The following IQCM variants were observed in gnomAD, a reference collection of about 807,000 sequenced individuals.
The protein encoded by IQCM is IQ domain-containing protein M.
In IQCM, 45 loss-of-function variants were observed where a neutral mutation model predicts 57.6. The observed-to-expected ratio is 0.78, with a 90% confidence interval of 0.62 to 1.00. The LOEUF (loss-of-function observed/expected upper bound fraction) is 1.00. IQCM is among the 50% of genes least tolerant of loss of function. The pLI is 0.00. For missense variants in IQCM, 468 were observed against 511.6 expected, an observed-to-expected ratio of 0.91 and a Z score of 0.82; for synonymous variants, 148 against 158.9, an observed-to-expected ratio of 0.93 and a Z score of 0.51.
chr4:149,607,292 C>T (rs1754874773), intron 8 of IQCM, among the ~76,000 whole-genome samples: 1 of 151,996 alleles, frequency 6.6e-6, no homozygotes, highest in Admixed American at 6.6e-5. Flanking sequence ...ATGTTATACC[C>T]TGTAAAATTA....
chr4:149,595,357 G>A (rs950322055), intron 8 of IQCM, among the ~76,000 whole-genome samples: 7 of 151,528 alleles, frequency 4.6e-5, no homozygotes, highest in African/African-American at 7.3e-5. Flanking sequence ...GGATTTTCTC[G>A]GTTTTAAACA....
At chr4:149,607,366 G>A (rs1754882690) in intron 8 of IQCM, among the ~76,000 whole-genome samples, 1 of 152,000 alleles carries the variant, frequency 6.6e-6, no homozygotes, top group South Asian at 2.1e-4. Context: ...ACTGACACCA[G>A]ACCTGTTTTC....
intron 7 of IQCM, among the ~76,000 whole-genome samples, chr4:149,648,426 T>A (rs909568974): frequency 2.6e-5 from 4 of 152,242 alleles, no homozygotes. Flanking sequence ...GTGCCACATT[T>A]TCTTAATCCA....
chr4:149,718,155 G>A (rs1049423599), intron 5 of IQCM, among the ~76,000 whole-genome samples: 5 of 152,110 alleles, frequency 3.3e-5, no homozygotes, highest in Non-Finnish European at 5.9e-5. Context: ...CTTATTTAAA[G>A]CCATATTCTC....
At chr4:149,716,968 A>T (rs939677214) in intron 5 of IQCM, among the ~76,000 whole-genome samples, 7 of 152,356 alleles carry the variant, frequency 4.6e-5, no homozygotes, top group Admixed American at 3.9e-4. Flanking sequence ...ACTATGTGCC[A>T]GGAGGATGGC....
At chr4:149,718,815 T>C (rs931255135) in intron 5 of IQCM, among the ~76,000 whole-genome samples, 9 of 152,182 alleles carry the variant, frequency 5.9e-5, no homozygotes, top group African/African-American at 1.9e-4. Context: ...TTGTCTGTAA[T>C]CTCCCTTTGC....
chr4:149,490,203 T>G (rs1005914022), intron 12 of IQCM, among the ~76,000 whole-genome samples: 1 of 151,976 alleles, frequency 6.6e-6, no homozygotes, highest in African/African-American at 2.4e-5. Flanking sequence ...TCTTTAATTT[T>G]CAATTACCAG....
chr4:149,530,724 C>G (rs574654696), intron 12 of IQCM, among the ~76,000 whole-genome samples: 41 of 152,026 alleles, frequency 2.7e-4, no homozygotes, highest in African/African-American at 8.0e-4. Flanking sequence ...AAAAGGCTAA[C>G]ACCTTATCCA....
intron 12 of IQCM, among the ~76,000 whole-genome samples, chr4:149,525,960 C>T (rs1259570329): frequency 2.0e-5 from 3 of 151,630 alleles, no homozygotes; most frequent in Non-Finnish European, 4.4e-5. Context: ...AGAAGAGCTA[C>T]GTATATATGA....
At chr4:149,718,527 A>G (rs897103272) in intron 5 of IQCM, among the ~76,000 whole-genome samples, 3 of 152,258 alleles carry the variant, frequency 2.0e-5, no homozygotes, top group African/African-American at 7.2e-5. Context: ...TATTTTAGAA[A>G]AATGATGTCT....
chr4:149,573,530 C>T (rs1751361382), intron 9 of IQCM, among the ~76,000 whole-genome samples: 1 of 151,864 alleles, frequency 6.6e-6, no homozygotes, highest in Admixed American at 6.6e-5. Context: ...CTAGCGTTCA[C>T]TGTGTAAAGT....
At chr4:149,628,539 ATAGAT>A (rs1757001349) in intron 7 of IQCM, among the ~76,000 whole-genome samples, 1 of 152,162 alleles carries the variant, frequency 6.6e-6, no homozygotes, top group Non-Finnish European at 1.5e-5. Flanking sequence ...AGAGAAGATT[ATAGAT>A]TAAAGAGCAC....
intron 2 of IQCM, among the ~76,000 whole-genome samples, chr4:149,768,844 G>A (rs918519100): frequency 6.6e-6 from 1 of 151,978 alleles, no homozygotes; most frequent in Non-Finnish European, 1.5e-5. Context: ...GAACAAAAAA[G>A]CTGACAAACT....
intron 10 of IQCM, among the ~76,000 whole-genome samples, chr4:149,561,582 C>T (rs1236584769): frequency 6.6e-6 from 1 of 151,986 alleles, no homozygotes; most frequent in African/African-American, 2.4e-5. Context: ...CATTTGAATA[C>T]AGAAACAAAC....
chr4:149,761,285 T>A (rs1227791334), intron 2 of IQCM, among the ~76,000 whole-genome samples: 1 of 152,116 alleles, frequency 6.6e-6, no homozygotes, highest in Non-Finnish European at 1.5e-5. Flanking sequence ...TTATAAATAA[T>A]CTAATAATAA....
At chr4:149,488,910 G>C (rs1741805574) in intron 12 of IQCM, among the ~76,000 whole-genome samples, 1 of 152,106 alleles carries the variant, frequency 6.6e-6, no homozygotes, top group African/African-American at 2.4e-5. Flanking sequence ...TGAGAAGGTA[G>C]ACCTTTTGAT....
intron 7 of IQCM, among the ~76,000 whole-genome samples, chr4:149,650,091 G>A (rs557855093): frequency 2.0e-5 from 3 of 152,214 alleles, no homozygotes; most frequent in African/African-American, 7.2e-5. Flanking sequence ...AAAAAGATAT[G>A]TTGACGTTCT....
intron 8 of IQCM, among the ~76,000 whole-genome samples, chr4:149,594,869 C>A (rs1246210822): frequency 6.6e-6 from 1 of 152,158 alleles, no homozygotes; most frequent in African/African-American, 2.4e-5. Context: ...GAGTGCTTTA[C>A]TTCCAACTAT....
At chr4:149,638,026 T>C (rs146419187) in intron 7 of IQCM, among the ~76,000 whole-genome samples, 334 of 152,252 alleles carry the variant, frequency 2.2e-3, no homozygotes, top group Admixed American at 4.2e-3. Context: ...TGTGAGTAAA[T>C]ATTCACAACA....
Sources: gnomAD v4.1 joint callset for allele counts (sites outside exome capture counted in the v4.1 genomes callset) on GRCh38, gnomAD v4.1.1 for gene constraint, MANE v1.5 for transcripts, NCBI Gene and HGNC (gene_info 2026-07-23, HGNC 2026-07-21) for gene names.